The following ST6GALNAC3 variants were observed in gnomAD, a reference collection of about 807,000 sequenced individuals.
The protein encoded by ST6GALNAC3 is ST6 N-acetylgalactosaminide alpha-2,6-sialyltransferase 3, also known as alpha-N-acetylgalactosaminide alpha-2,6-sialyltransferase 3.
Under a neutral mutation model 32.7 loss-of-function variants are expected in ST6GALNAC3, and 25 were observed. The ratio of observed to expected loss-of-function variants is 0.76; its 90% CI spans 0.56 to 1.07. The LOEUF is 1.07. Ranked by LOEUF, ST6GALNAC3 falls within the 50% of genes least tolerant of loss-of-function variation. ST6GALNAC3 has a pLI of 0.00. For synonymous variants in ST6GALNAC3, 129 were observed against 133.1 expected, an observed-to-expected ratio of 0.97 and a Z score of 0.21; for missense variants, 355 against 382.4, an observed-to-expected ratio of 0.93 and a Z score of 0.60.
chr1:76,238,186 C>T (rs1178592273), intron 1 of ST6GALNAC3, among the ~76,000 whole-genome samples: 4 of 152,226 alleles, frequency 2.6e-5, no homozygotes, highest in Non-Finnish European at 4.4e-5. Flanking sequence ...AGTTCCCACA[C>T]TGTGCTTCCT....
intron 3 of ST6GALNAC3, among the ~76,000 whole-genome samples, chr1:76,431,577 A>T (rs2101446163): frequency 6.6e-6 from 1 of 152,220 alleles, no homozygotes; most frequent in East Asian, 1.9e-4. Context: ...TATTCCATAA[A>T]ATCAGTTTTT....
chr1:76,103,203 C>A lies in ST6GALNAC3; in HGVS notation c.18+28319C>A, dbSNP rs893024917. ...TTTCCTGCTTGGGGTTTCTAGGATT[C>A]TTTGTCTTGGCTCCTTCTGAGGCCT... is the stretch of plus-strand genomic sequence containing the variant. On this transcript the variant is annotated intron_variant, in intron 1 of 4. Transcript: ENST00000328299. 6.9e-5 allele frequency among the ~76,000 whole-genome samples: 10 copies of A among 145,784 alleles called. No homozygotes were observed. In the Admixed American group the frequency reaches 7.0e-4, roughly 10 times the overall value.
In ST6GALNAC3 at chr1:76,412,093, G is replaced by A. The variant is rs766239826; in HGVS notation, c.299G>A (p.Arg100Gln). The change falls in exon 3 of 5, where the codon CGA (arginine) becomes CAA (glutamine). Residue 100 changes from arginine (R) to glutamine (Q), a missense_variant. Transcript: ENST00000328299. ...CAGAAGGTGGGAAATGAGATAGATC[G>A]ATCCTCCTGCATTTGGAGAATGAAC... is the stretch of plus-strand genomic sequence containing the variant. The part of the protein sequence containing the change: ...VGQKVGNEID[R>Q]SSCIWRMNNA... 17 of 1,613,448 alleles carry A rather than the reference G, an allele frequency of 1.1e-5. No individual in the cohort carries two copies. The highest frequency in any genetic ancestry group is 6.7e-5 in the East Asian group (3 of 44,860).
chr1:76,576,611 A>G lies in ST6GALNAC3; in HGVS notation c.624-50841A>G, dbSNP rs181218960. ...AATTTCTCTGGCTTACAAAAGAGAC[A>G]TCAGTTACACCTTAGAGCCTGTCTT... is the stretch of plus-strand genomic sequence containing the variant. On this transcript the variant is annotated intron_variant, in intron 3 of 4. Transcript: ENST00000328299. 2.7e-3 allele frequency among the ~76,000 whole-genome samples: 408 copies of G among 152,154 alleles called. 1 individual carries two copies. Among genetic ancestry groups the G allele is most frequent in the African/African-American group, 9.4e-3 (390 of 41,540 alleles).
chr1:76,601,874 T>C (rs1041598031), intron 3 of ST6GALNAC3, among the ~76,000 whole-genome samples: 1 of 152,116 alleles, frequency 6.6e-6, no homozygotes, highest in African/African-American at 2.4e-5. Context: ...TTCAAAGCAG[T>C]TAAGAGGAAG....
intron 3 of ST6GALNAC3, among the ~76,000 whole-genome samples, chr1:76,547,351 A>G (rs1002634509): frequency 2.0e-5 from 3 of 152,350 alleles, no homozygotes; most frequent in Admixed American, 6.5e-5. Context: ...CTCTTCAACA[A>G]TGAAGTTACC....
chr1:76,148,014 C>T (rs528761678), intron 1 of ST6GALNAC3, among the ~76,000 whole-genome samples: 117 of 152,218 alleles, frequency 7.7e-4, no homozygotes, highest in African/African-American at 2.7e-3. Context: ...TAGTAGAGTT[C>T]CTTTTAAGCT....
At chr1:76,427,652 G>A (rs1655487564) in intron 3 of ST6GALNAC3, among the ~76,000 whole-genome samples, 2 of 152,110 alleles carry the variant, frequency 1.3e-5, no homozygotes, top group South Asian at 4.1e-4. Context: ...TGGATAATAT[G>A]AGCTACTTTG....
At chr1:76,593,997 G>C (rs975030491) in intron 3 of ST6GALNAC3, among the ~76,000 whole-genome samples, 1 of 152,056 alleles carries the variant, frequency 6.6e-6, no homozygotes, top group Admixed American at 6.6e-5. Flanking sequence ...AAGACCCCAG[G>C]GTGGAAGGGG....
intron 1 of ST6GALNAC3, among the ~76,000 whole-genome samples, chr1:76,173,394 C>G (rs2100429201): frequency 6.6e-6 from 1 of 152,036 alleles, no homozygotes; most frequent in Non-Finnish European, 1.5e-5. Flanking sequence ...AGAAGAAAAC[C>G]TAGGCAGTAC....
At chr1:76,338,401 C>T (rs1283525380) in intron 2 of ST6GALNAC3, among the ~76,000 whole-genome samples, 4 of 152,066 alleles carry the variant, frequency 2.6e-5, no homozygotes, top group Admixed American at 6.5e-5. Context: ...TTATAAATGA[C>T]GAACACATAA....
At chr1:76,184,036 A>T (rs1168865797) in intron 1 of ST6GALNAC3, among the ~76,000 whole-genome samples, 3 of 151,422 alleles carry the variant, frequency 2.0e-5, no homozygotes, top group African/African-American at 7.3e-5. Context: ...TTTTCTCTCT[A>T]CTCTGAGCCC....
intron 1 of ST6GALNAC3, among the ~76,000 whole-genome samples, chr1:76,210,274 A>G (rs1040888887): frequency 2.6e-5 from 4 of 152,052 alleles, no homozygotes; most frequent in African/African-American, 9.7e-5. Context: ...TCTTTGTCAT[A>G]TTGCAGTTGT....
chr1:76,402,100 T>G (rs143207386), intron 2 of ST6GALNAC3, among the ~76,000 whole-genome samples: 65 of 152,254 alleles, frequency 4.3e-4, no homozygotes, highest in African/African-American at 1.5e-3. Flanking sequence ...AAGTTAACAT[T>G]GTTGAAGTCA....
chr1:76,154,040 G>C (rs944459492), intron 1 of ST6GALNAC3, among the ~76,000 whole-genome samples: 3 of 152,154 alleles, frequency 2.0e-5, no homozygotes, highest in Admixed American at 1.3e-4. Flanking sequence ...AGAATGAGCT[G>C]CAAACTCAGG....
intron 3 of ST6GALNAC3, among the ~76,000 whole-genome samples, chr1:76,417,224 T>C (rs1395071401): frequency 6.6e-6 from 1 of 150,754 alleles, no homozygotes; most frequent in Non-Finnish European, 1.5e-5. Flanking sequence ...TTTCTTTCTT[T>C]CTTTTTTTTT....
At chr1:76,160,401 G>C (rs756129741) in intron 1 of ST6GALNAC3, among the ~76,000 whole-genome samples, 2 of 152,152 alleles carry the variant, frequency 1.3e-5, no homozygotes, top group Non-Finnish European at 2.9e-5. Flanking sequence ...AGCCAGGAGG[G>C]CCTGCTGGAA....
intron 2 of ST6GALNAC3, among the ~76,000 whole-genome samples, chr1:76,351,461 CTA>C (rs2101022586): frequency 6.6e-6 from 1 of 152,102 alleles, no homozygotes; most frequent in African/African-American, 2.4e-5. Flanking sequence ...AGTATAAAGA[CTA>C]TATGGAGATC....
intron 3 of ST6GALNAC3, among the ~76,000 whole-genome samples, chr1:76,428,689 A>G (rs1655555379): frequency 6.6e-6 from 1 of 152,084 alleles, no homozygotes; most frequent in South Asian, 2.1e-4. Flanking sequence ...GAAAATATGC[A>G]CTGTATTATA....
Sources: allele counts gnomAD v4.1 joint callset (sites outside exome capture counted in the v4.1 genomes callset), GRCh38; gene constraint gnomAD v4.1.1; transcripts MANE v1.5; gene names NCBI Gene and HGNC (gene_info 2026-07-23, HGNC 2026-07-21).